SV2B: variants seen among roughly 807,000 people sequenced by gnomAD.
SV2B encodes synaptic vesicle glycoprotein 2B.
A neutral mutation model predicts 73.9 loss-of-function variants in SV2B; 41 were observed. The observed-to-expected ratio is 0.56, with a 90% CI of 0.43 to 0.72. SV2B has a LOEUF of 0.72. Among genes scored for constraint, SV2B ranks in the 30% least tolerant of loss-of-function variants. The pLI is 0.00. For synonymous variants in SV2B, 314 were observed against 314.2 expected (o/e 1.00, Z 0.01); for missense variants, 764 against 857.8 (o/e 0.89, Z 1.37).
chr15:91,273,821 A>G (rs1379886324), intron 9 of SV2B, among the ~76,000 whole-genome samples: 2 of 152,220 alleles, frequency 1.3e-5, no homozygotes. Context: ...GCCGGAGGTC[A>G]TGATCACCAT....
chr15:91,205,060 G>C (rs1164123791), intron 1 of SV2B, among the ~76,000 whole-genome samples: 1 of 152,188 alleles, frequency 6.6e-6, no homozygotes, highest in African/African-American at 2.4e-5. Context: ...AAAGATTACA[G>C]ACTCACTGTT....
intron 2 of SV2B, among the ~76,000 whole-genome samples, chr15:91,246,010 G>A (rs1160262551): frequency 6.7e-6 from 1 of 149,908 alleles, no homozygotes; most frequent in Non-Finnish European, 1.5e-5. Flanking sequence ...GAACATCAGG[G>A]ATGCCTTTCT....
intron 6 of SV2B, among the ~76,000 whole-genome samples, chr15:91,262,285 G>A (rs1475923093): frequency 1.3e-5 from 2 of 152,088 alleles, no homozygotes. Flanking sequence ...ACAAAAACCG[G>A]TGCCTGGCTT....
intron 1 of SV2B, among the ~76,000 whole-genome samples, chr15:91,143,126 G>A (rs1443055068): frequency 6.6e-6 from 1 of 152,198 alleles, no homozygotes; most frequent in Admixed American, 6.5e-5. Flanking sequence ...CCACTCTCAT[G>A]GGAGGTATTA....
chr15:91,222,340 C>T (rs188787457), intron 1 of SV2B, among the ~76,000 whole-genome samples: 5 of 152,242 alleles, frequency 3.3e-5, no homozygotes, highest in Admixed American at 1.3e-4. Flanking sequence ...TTAGCACAGA[C>T]GCTGGCACGA....
intron 1 of SV2B, among the ~76,000 whole-genome samples, chr15:91,170,747 A>T (rs1481548053): frequency 6.6e-6 from 1 of 152,244 alleles, no homozygotes; most frequent in Admixed American, 6.5e-5. Flanking sequence ...TCAGGCAAGT[A>T]CTTAATATTG....
intron 1 of SV2B, among the ~76,000 whole-genome samples, chr15:91,211,584 A>G (rs757972712): frequency 2.0e-5 from 3 of 148,918 alleles, no homozygotes; most frequent in Non-Finnish European, 4.5e-5. Flanking sequence ...GCTCACTGCA[A>G]CCTCTGCCTT....
At position 91,267,007 on chromosome 15, in the gene SV2B, TGGAG is replaced by T. The variant is rs1242564634; in HGVS notation, c.1119+317_1119+320del. 4.5e-6 allele frequency: 1 copy of T among 220,262 alleles called. No homozygotes were observed. Among genetic ancestry groups the T allele is most frequent in the Non-Finnish European group, 8.9e-6 (1 of 112,944 alleles). The allele number at this position is 220,262 out of a possible 1,614,324, so 13.6% of individuals were successfully genotyped here. On this transcript the variant is annotated intron_variant, in intron 7 of 12. Coordinates refer to ENST00000394232, the MANE Select transcript of SV2B (RefSeq NM_001323032.3). The surrounding 1 kb of genome is among the most constrained non-coding windows in gnomAD (Gnocchi z 4.3). ...TCTAGCAAATTTTAAAATAATCACA[TGGAG>T]GAAGAAGTGAGTAAAATAAATGACC...
chr15:91,099,592 G>A (rs561787652), upstream of SV2B, among the ~76,000 whole-genome samples: 1 of 152,310 alleles, frequency 6.6e-6, no homozygotes, highest in African/African-American at 2.4e-5. Context: ...CTCGTCAGTG[G>A]AGTTAGTGGG....
intron 9 of SV2B, among the ~76,000 whole-genome samples, chr15:91,271,029 C>T (rs113363329): frequency 0.018 from 1,784 of 98,226 alleles, 259 homozygotes; most frequent in Middle Eastern, 0.08. Flanking sequence ...TGTGGATGAT[C>T]GGAGGACGGT....
At position 91,301,091 on chromosome 15, in the gene SV2B, G is replaced by A. The variant is rs529817917; in HGVS notation, c.*8539G>A. Reference sequence around the variant, plus strand: ...CAGTCCTGTGGTCCTATGGCTAAGCGGAGGACACGGCCACAAGCTGTGAGT... The same window carrying A: ...CAGTCCTGTGGTCCTATGGCTAAGCAGAGGACACGGCCACAAGCTGTGAGT... On this transcript the variant is annotated 3_prime_UTR_variant, in exon 13 of 13. Coordinates refer to ENST00000394232, the MANE Select transcript of SV2B (RefSeq NM_001323032.3). The surrounding 1 kb of genome is among the most constrained non-coding windows in gnomAD (Gnocchi z 4.3). 7.2e-5 allele frequency: 11 copies of A among 152,310 alleles called. No individual in the cohort carries two copies. Among genetic ancestry groups the A allele is most frequent in the East Asian group, 1.9e-4 (1 of 5,184 alleles). The allele number at this position is 152,310 out of a possible 1,614,324, so 9.4% of individuals were successfully genotyped here.
At chr15:91,163,486 G>T (rs1399781070) in intron 1 of SV2B, among the ~76,000 whole-genome samples, 1 of 152,142 alleles carries the variant, frequency 6.6e-6, no homozygotes, top group Non-Finnish European at 1.5e-5. Flanking sequence ...TCTCATTGTG[G>T]TTTTGATTTG....
chr15:91,268,516 G>A lies in SV2B; in HGVS notation c.1284G>A (p.Lys428=). The change falls in exon 9 of 13, where the codon AAG becomes AAA. Residue 428 remains lysine (K), a synonymous_variant. Transcript: ENST00000394232. This position sits in a 1 kb window ranked among gnomAD's most constrained non-coding sequence, Gnocchi z 4.4. ...ATGAAGAATACAAGTCTAAAATGAA[G>A]GTGTTTTTTGGTGAGCATGTGTACG... ...FQDEEYKSKM[K]VFFGEHVYGA... 1.2e-6 allele frequency: 2 copies of A among 1,614,144 alleles called. No homozygotes were observed. The highest frequency in any genetic ancestry group is 8.5e-7 in the Non-Finnish European group (1 of 1,180,002).
intron 12 of SV2B, among the ~76,000 whole-genome samples, chr15:91,291,823 G>A (rs531515246): frequency 6.6e-6 from 1 of 152,158 alleles, no homozygotes; most frequent in East Asian, 1.9e-4. Flanking sequence ...CGTCTCTTAC[G>A]GAAGCTTCTT....
chr15:91,175,563 TTTC>T (rs2044273884), intron 1 of SV2B, among the ~76,000 whole-genome samples: 2 of 152,168 alleles, frequency 1.3e-5, no homozygotes, highest in South Asian at 4.1e-4. Flanking sequence ...CCGAGAAGAC[TTTC>T]TTATTTCCCA....
chr15:91,258,293 G>A lies in SV2B; in HGVS notation c.785-128G>A. On this transcript the variant is annotated intron_variant, in intron 4 of 12. Coordinates refer to ENST00000394232, the MANE Select transcript of SV2B (RefSeq NM_001323032.3). The surrounding 1 kb of genome is among the most constrained non-coding windows in gnomAD (Gnocchi z 4.7). ...CTTCGGAGGCACAGCTGAGGAGTCT[G>A]CATTTTAACCACCTCCCCGGGTGAC... 2 of 1,335,310 alleles carry A rather than the reference G, an allele frequency of 1.5e-6. No homozygotes were observed. Among genetic ancestry groups the A allele is most frequent in the African/African-American group, 1.5e-5 (1 of 68,694 alleles). The allele number at this position is 1,335,310 out of a possible 1,614,324, so 82.7% of individuals were successfully genotyped here.
At chr15:91,210,565 G>C (rs536164654) in intron 1 of SV2B, among the ~76,000 whole-genome samples, 15 of 152,036 alleles carry the variant, frequency 9.9e-5, no homozygotes, top group Non-Finnish European at 1.9e-4. Flanking sequence ...GGTGTGTTGG[G>C]GAATGATCCT....
At position 91,226,713 on chromosome 15, in the gene SV2B, A is replaced by G; in HGVS notation, c.450A>G (p.Leu150=). Reference sequence around the variant, plus strand: ...TGTCCAGTTCCAAAAAAGGAATGCTAGGTAAGTGGAAATTTCCAATGATCC... The same window carrying G: ...TGTCCAGTTCCAAAAAAGGAATGCTGGGTAAGTGGAAATTTCCAATGATCC... ...MCLSSSKKGM[L]GMIVYLGMMA... Residue 150 remains leucine (L), a splice_region_variant and synonymous_variant, in exon 2 of 13, where the codon CTA becomes CTG. Coordinates refer to ENST00000394232, the MANE Select transcript of SV2B (RefSeq NM_001323032.3). The G allele has an allele frequency of 6.3e-7, 1 of 1,599,638 alleles. No individual in the cohort carries two copies. The highest frequency in any genetic ancestry group is 8.5e-7 in the Non-Finnish European group (1 of 1,178,090).
chr15:91,266,141 C>T (rs1185695145), intron 6 of SV2B, among the ~76,000 whole-genome samples: 3 of 151,918 alleles, frequency 2.0e-5, no homozygotes, highest in Non-Finnish European at 4.4e-5. Flanking sequence ...GACTGTGTCT[C>T]AAAAAACAAA....
Sources: gnomAD v4.1 joint callset for allele counts (sites outside exome capture counted in the v4.1 genomes callset) on GRCh38, gnomAD v4.1.1 for gene constraint, Gnocchi (gnomAD v3.1) non-coding constraint, MANE v1.5 for transcripts, NCBI Gene and HGNC (gene_info 2026-07-23, HGNC 2026-07-21) for gene names.